Variants in ABCA8 observed in about 807,000 individuals in gnomAD.
ABCA8 encodes ABC-type organic anion transporter ABCA8.
A neutral mutation model predicts 192.3 loss-of-function variants in ABCA8; 177 were observed. The observed-to-expected ratio is 0.92, with a 90% confidence interval of 0.81 to 1.04. The LOEUF (loss-of-function observed/expected upper bound fraction) is 1.04. ABCA8 is among the 50% of genes least tolerant of loss of function. The pLI, the probability that ABCA8 is intolerant of heterozygous loss-of-function variation, is 0.00. For missense variants in ABCA8, 1,915 were observed against 1,904.8 expected, an observed-to-expected ratio of 1.01 and a Z score of -0.10; for synonymous variants, 642 against 690.2, an observed-to-expected ratio of 0.93 and a Z score of 1.09.
intron 10 of ABCA8, among the ~76,000 whole-genome samples, chr17:68,926,788 A>G (rs1295197176): frequency 6.6e-6 from 1 of 152,194 alleles, no homozygotes; most frequent in Non-Finnish European, 1.5e-5. Context: ...ACAAAACAGG[A>G]TGAATTTCCT....
intron 10 of ABCA8, among the ~76,000 whole-genome samples, chr17:68,926,269 C>T (rs1248927508): frequency 6.6e-6 from 1 of 152,106 alleles, no homozygotes; most frequent in African/African-American, 2.4e-5. Context: ...ACAGTGACAT[C>T]TGTTTGTGGA....
intron 18 of ABCA8, among the ~76,000 whole-genome samples, chr17:68,906,726 C>T (rs2143518097): frequency 6.6e-6 from 1 of 152,250 alleles, no homozygotes; most frequent in African/African-American, 2.4e-5. Flanking sequence ...GAATGTGGAA[C>T]TGAATCAGGG....
chr17:68,941,984 G>A lies in ABCA8; in HGVS notation c.51C>T (p.Cys17=), dbSNP rs771221484. 1 of 1,612,882 alleles carries A rather than the reference G, an allele frequency of 6.2e-7. No homozygotes were observed. The highest frequency in any genetic ancestry group is 8.5e-7 in the Non-Finnish European group (1 of 1,179,334). Residue 17 remains cysteine (C), a synonymous_variant, in exon 3 of 40, where the codon TGC becomes TGT. Coordinates refer to ENST00000586539, the MANE Select transcript of ABCA8 (RefSeq NM_001288985.2). The part of the protein sequence containing the change: ...SVCQQTWALL[C]KNFLKKWRMK... ...TTCTCCATTTTTTAAGAAAGTTCTTGCATAATAAGGCCCAAGTTTGTTGAC... is the reference window on the plus strand; with the variant it reads ...TTCTCCATTTTTTAAGAAAGTTCTTACATAATAAGGCCCAAGTTTGTTGAC...
Position 68,924,712 on chromosome 17 carries a change from T to C in ABCA8, c.1431A>G (p.Lys477=). Residue 477 remains lysine (K), a synonymous_variant, in exon 11 of 40, where the codon AAA becomes AAG. Transcript: ENST00000586539. ...FEQAPPEFQG[K]EAIRIRNVTK... is the part of the protein sequence containing the mutation. ...TGCAGCCTTATTACCTGATGGCTTCTTTCCCTTGGAATTCTGGAGGCGCTT... is the reference window on the plus strand; with the variant it reads ...TGCAGCCTTATTACCTGATGGCTTCCTTCCCTTGGAATTCTGGAGGCGCTT... The C allele has an allele frequency of 6.2e-7, 1 of 1,613,300 alleles. No individual in the cohort carries two copies.
intron 5 of ABCA8, 125 bp downstream of exon 5, chr17:68,936,826 G>T: frequency 1.3e-6 from 1 of 751,322 alleles, no homozygotes; most frequent in Non-Finnish European, 1.9e-6. Context: ...AAATGTTGAG[G>T]GACATGCATA....
chr17:68,907,387 C>T lies in ABCA8; in HGVS notation c.2278+353G>A, dbSNP rs184971570. 6.6e-4 allele frequency among the ~76,000 whole-genome samples: 100 copies of T among 151,914 alleles called. 1 individual carries two copies. In the East Asian group the frequency reaches 7.5e-3, roughly 11 times the overall value. On this transcript the variant is annotated intron_variant, in intron 18 of 39. Coordinates refer to ENST00000586539, the MANE Select transcript of ABCA8 (RefSeq NM_001288985.2). ...CCCAAAGTTATTGCAAAAGTCTCAC[C>T]GAGACAGATAGCCACATCACAGGGC...
In ABCA8 at chr17:68,891,677, C is replaced by T. The variant is rs1415565894; in HGVS notation, c.3037-81G>A. 9 of 1,061,666 alleles carry T rather than the reference C, an allele frequency of 8.5e-6. 1 individual carries two copies. The Admixed American group carries it at 1.3e-4, about 16-fold the overall frequency. 65.8% of individuals were successfully genotyped at this position (1,061,666 alleles called of 1,614,324 possible). On this transcript the variant is annotated intron_variant, in intron 23 of 39. Transcript: ENST00000586539. Reference sequence around the variant, plus strand: ...TGGAATACATTTTTAAAATTTTAGACTAAGTTTACATAATTCTGCCTTAGG... The same window carrying T: ...TGGAATACATTTTTAAAATTTTAGATTAAGTTTACATAATTCTGCCTTAGG...
At chr17:68,891,982 A>T (rs2066632218) in intron 23 of ABCA8, among the ~76,000 whole-genome samples, 1 of 152,216 alleles carries the variant, frequency 6.6e-6, no homozygotes, top group South Asian at 2.1e-4. Context: ...CCAACATTTT[A>T]TGGGTACAGT....
chr17:68,952,439 C>T (rs184747627), intron 1 of ABCA8, among the ~76,000 whole-genome samples: 41 of 152,220 alleles, frequency 2.7e-4, no homozygotes, highest in Middle Eastern at 3.4e-3. Flanking sequence ...CGGATGGTCT[C>T]GATCTCCTGA....
intron 13 of ABCA8, chr17:68,920,084 G>T (rs2067493250): frequency 6.6e-6 from 1 of 152,162 alleles, no homozygotes; most frequent in Admixed American, 6.6e-5. Flanking sequence ...AAAAGAATGA[G>T]ATCATATCTT....
chr17:68,916,112 C>A (rs919166368), intron 17 of ABCA8, among the ~76,000 whole-genome samples: 24 of 151,222 alleles, frequency 1.6e-4, no homozygotes, highest in African/African-American at 5.4e-4. Context: ...AGGATGGTTA[C>A]CAGAGGCTGA....
intron 37 of ABCA8, among the ~76,000 whole-genome samples, chr17:68,870,741 C>G (rs2066027216): frequency 6.6e-6 from 1 of 152,178 alleles, no homozygotes; most frequent in South Asian, 2.1e-4. Flanking sequence ...ATCCATTTAT[C>G]TCTCAGTGAA....
In ABCA8 at chr17:68,900,659, A is replaced by C. The variant is rs567251578; in HGVS notation, c.2764+2054T>G. On this transcript the variant is annotated intron_variant, in intron 21 of 39. Coordinates refer to ENST00000586539, the MANE Select transcript of ABCA8 (RefSeq NM_001288985.2). ...ATAAAACTACAGACCAATATCCCTT[A>C]TGAATAGAGATGGAAAACATTATCA... Among the ~76,000 whole-genome samples the C allele has an allele frequency of 4.6e-5, 7 of 152,168 alleles. No individual in the cohort carries two copies. The East Asian group carries it at 1.3e-3, about 29-fold the overall frequency.
intron 13 of ABCA8, among the ~76,000 whole-genome samples, chr17:68,921,174 G>C (rs1194070095): frequency 6.6e-6 from 1 of 152,038 alleles, no homozygotes; most frequent in Non-Finnish European, 1.5e-5. Context: ...CACAGGAAGG[G>C]GAACATCACA....
In ABCA8 at chr17:68,923,415, G is replaced by A. The variant is rs141089788; in HGVS notation, c.1443-1115C>T. Among the ~76,000 whole-genome samples the A allele has an allele frequency of 1.8e-3, 276 of 152,126 alleles. 1 individual carries two copies. Among genetic ancestry groups the A allele is most frequent in the African/African-American group, 6.6e-3 (273 of 41,496 alleles). Reference sequence around the variant, plus strand: ...GGGTTTTGCCATGTTGCTCAAGCTGGTCTCAAACTCCTGAGCTGAAGTGAT... The same window carrying A: ...GGGTTTTGCCATGTTGCTCAAGCTGATCTCAAACTCCTGAGCTGAAGTGAT... On this transcript the variant is annotated intron_variant, in intron 11 of 39. Coordinates refer to ENST00000586539, the MANE Select transcript of ABCA8 (RefSeq NM_001288985.2).
In ABCA8 at chr17:68,887,911, TA is replaced by T. The variant is rs1340003155; in HGVS notation, c.3145-406del. Reference sequence around the variant, plus strand: ...ATATATATATATATATATATATCCATATATATATATATATTATATATGGATA... The same window carrying T: ...ATATATATATATATATATATATCCATTATATATATATATTATATATGGATA... On this transcript the variant is annotated intron_variant, in intron 24 of 39. Transcript: ENST00000586539. Among the ~76,000 whole-genome samples the T allele has an allele frequency of 5.5e-4, 11 of 19,962 alleles. 1 individual carries two copies. The East Asian group carries it at 0.042, about 77-fold the overall frequency. The allele number at this position is 19,962 out of a possible 152,430, so 13.1% of individuals were successfully genotyped here. A position where few individuals can be genotyped will look rare whatever the true frequency, so the allele number is the denominator to read the frequency against.
chr17:68,886,878 C>T, intron 26 of ABCA8, 139 bp downstream of exon 26: 4 of 419,966 alleles, frequency 9.5e-6, no homozygotes, highest in South Asian at 7.2e-5. Flanking sequence ...TAGTTTTGAC[C>T]ATGTCAGTAA....
intron 17 of ABCA8, 111 bp from the exon 18 acceptor site, chr17:68,907,990 G>A: frequency 9.7e-7 from 1 of 1,027,364 alleles, no homozygotes; most frequent in Non-Finnish European, 1.3e-6. Flanking sequence ...AAAATCTAAT[G>A]CCAGAAATAG....
intron 26 of ABCA8, among the ~76,000 whole-genome samples, chr17:68,886,087 G>A (rs1292665161): frequency 6.6e-6 from 1 of 152,110 alleles, no homozygotes; most frequent in African/African-American, 2.4e-5. Flanking sequence ...TACACTGGAA[G>A]CCCTCATATT....
Sources: allele counts gnomAD v4.1 joint callset (sites outside exome capture counted in the v4.1 genomes callset), GRCh38; gene constraint gnomAD v4.1.1; transcripts MANE v1.5; gene names NCBI Gene and HGNC (gene_info 2026-07-23, HGNC 2026-07-21).